ZFHX4: variants seen among roughly 807,000 people sequenced by gnomAD.
ZFHX4 encodes the protein zinc finger homeobox protein 4.
In ZFHX4, 56 loss-of-function variants were observed where a neutral mutation model predicts 267.6. The observed-to-expected ratio is 0.21, with a 90% CI of 0.17 to 0.26. The LOEUF (loss-of-function observed/expected upper bound fraction) is 0.26, where lower values mean the gene tolerates loss of function less well. Ranked by LOEUF, ZFHX4 falls within the 10% of genes least tolerant of loss-of-function variation. The pLI is 1.00. For missense variants in ZFHX4, 4,332 were observed against 4,420.0 expected (o/e 0.98, Z 0.56); for synonymous variants, 1,778 against 1,665.6 (o/e 1.07, Z -1.64).
At chr8:76,771,073 T>C (rs1447461073) in intron 3 of ZFHX4, among the ~76,000 whole-genome samples, 2 of 152,272 alleles carry the variant, frequency 1.3e-5, no homozygotes, top group East Asian at 1.9e-4. Context: ...TTTAGAGTCA[T>C]GTTAAGAATT....
intron 5 of ZFHX4, among the ~76,000 whole-genome samples, chr8:76,836,735 A>G (rs1317148560): frequency 1.3e-5 from 2 of 151,978 alleles, no homozygotes; most frequent in East Asian, 1.9e-4. Flanking sequence ...AAGCAGAAGA[A>G]TGGATTGATT....
intron 4 of ZFHX4, among the ~76,000 whole-genome samples, chr8:76,822,214 A>C (rs571121525): frequency 3.2e-4 from 49 of 152,206 alleles, no homozygotes; most frequent in Admixed American, 9.8e-4. Flanking sequence ...ATAATCATTG[A>C]TTCTTTTCAG....
Position 76,854,520 on chromosome 8 carries a change from G to A in ZFHX4, c.7599G>A (p.Met2533Ile). The change falls in exon 10 of 11, where the codon ATG becomes ATA. Residue 2533 changes from methionine (M) to isoleucine (I), a missense_variant. Physicochemically the swap from Met to Ile is conservative, Grantham distance 10. This residue lies in a region of ZFHX4 where 1,648 missense variants were observed against 1,625.0 expected (regional missense o/e 1.01). Coordinates refer to ENST00000651372, the MANE Select transcript of ZFHX4 (RefSeq NM_024721.5). ...FLHSPFLERP[M>I]DMPYMIFDPN... ...ACTCTCCGTTCTTGGAAAGGCCCAT[G>A]GACATGCCCTACATGATATTTGACC... 2 of 1,613,800 alleles carry A rather than the reference G, an allele frequency of 1.2e-6. No individual in the cohort carries two copies. Among genetic ancestry groups the A allele is most frequent in the Non-Finnish European group, 1.7e-6 (2 of 1,179,868 alleles).
At chr8:76,751,799 T>C (rs928656249) in intron 3 of ZFHX4, among the ~76,000 whole-genome samples, 1 of 152,200 alleles carries the variant, frequency 6.6e-6, no homozygotes, top group African/African-American at 2.4e-5. Flanking sequence ...TTTGCATCTC[T>C]GGGAAACTCT....
Position 76,855,229 on chromosome 8 carries a change from CCTT to C in ZFHX4, c.8315_8317del (p.Ser2772del), listed in dbSNP as rs1307644441. ...GCTGTCACCGAAGAATCTTTTAAGC[CCTT>C]CTTCTTTTAAAGCAGAGTGTTCTGA... On this transcript the variant is annotated inframe_deletion, in exon 10 of 11. Coordinates refer to ENST00000651372, the MANE Select transcript of ZFHX4 (RefSeq NM_024721.5). 3.7e-6 allele frequency: 6 copies of C among 1,612,038 alleles called. No individual in the cohort carries two copies. Among genetic ancestry groups the C allele is most frequent in the Non-Finnish European group, 5.1e-6 (6 of 1,179,302 alleles).
intron 1 of ZFHX4, among the ~76,000 whole-genome samples, chr8:76,698,442 G>T (rs1808014283): frequency 1.3e-5 from 2 of 152,028 alleles, no homozygotes; most frequent in Admixed American, 6.6e-5. Flanking sequence ...TAGAACTATT[G>T]GACTCATTGG....
chr8:76,813,678 G>C (rs1183057479), intron 4 of ZFHX4, among the ~76,000 whole-genome samples: 3 of 151,968 alleles, frequency 2.0e-5, no homozygotes, highest in African/African-American at 7.2e-5. Flanking sequence ...CCCAAAACTA[G>C]CCAGAATACA....
intron 5 of ZFHX4, among the ~76,000 whole-genome samples, chr8:76,837,917 AAT>A (rs1220738346): frequency 6.6e-6 from 1 of 152,194 alleles, no homozygotes; most frequent in Non-Finnish European, 1.5e-5. Flanking sequence ...TAGTACTAGT[AAT>A]AATGCAGCTA....
At chr8:76,767,666 C>T (rs1810086655) in intron 3 of ZFHX4, among the ~76,000 whole-genome samples, 1 of 152,144 alleles carries the variant, frequency 6.6e-6, no homozygotes, top group Non-Finnish European at 1.5e-5. Context: ...ATTAAGCCTT[C>T]AAAGAATTAA....
At position 76,707,699 on chromosome 8, in the gene ZFHX4, A is replaced by G. The variant is rs764308477; in HGVS notation, c.2744A>G (p.Asp915Gly). The change falls in exon 3 of 11, where the codon GAC becomes GGC. Residue 915 changes from aspartate (D) to glycine (G), a missense_variant. By Grantham distance (94) the Asp-to-Gly change is moderately conservative. Transcript: ENST00000651372. Reference protein sequence around the residue: ...QCAVCNKFTSDSLEALSVHVS... With the variant: ...QCAVCNKFTSGSLEALSVHVS... ...GCTGTTTGCAACAAATTCACCTCTG[A>G]CAGCCTGGAGGCCCTAAGTGTGCAT... 5 of 1,613,912 alleles carry G rather than the reference A, an allele frequency of 3.1e-6. No individual in the cohort carries two copies. Among genetic ancestry groups the G allele is most frequent in the Non-Finnish European group, 2.5e-6 (3 of 1,179,882 alleles).
intron 3 of ZFHX4, among the ~76,000 whole-genome samples, chr8:76,760,603 T>G (rs1172147821): frequency 6.6e-6 from 1 of 151,966 alleles, no homozygotes; most frequent in Non-Finnish European, 1.5e-5. Context: ...AGGGAAAGCT[T>G]TTCTGACTCA....
At chr8:76,842,570 A>C (rs2131915847) in intron 5 of ZFHX4, 85 bp from the exon 6 acceptor site, 1 of 906,344 alleles carries the variant, frequency 1.1e-6, no homozygotes, top group East Asian at 2.7e-5. Flanking sequence ...TAAATAACAA[A>C]GTTTTCAAGT....
chr8:76,853,281 T>A lies in ZFHX4; in HGVS notation c.6360T>A (p.Asp2120Glu), dbSNP rs556862072. 1.2e-6 allele frequency: 2 copies of A among 1,605,214 alleles called. No homozygotes were observed. Among genetic ancestry groups the A allele is most frequent in the Non-Finnish European group, 1.7e-6 (2 of 1,175,484 alleles). The change falls in exon 10 of 11, where the codon GAT (aspartate) becomes GAA (glutamate). Residue 2120 changes from aspartate to glutamate, a missense_variant. Coordinates refer to ENST00000651372, the MANE Select transcript of ZFHX4 (RefSeq NM_024721.5). ...TQLCQQQLGL[D>E]PNFLRHSQFK... ...TTTGCCAGCAGCAGCTCGGATTAGA[T>A]CCCAACTTCTTAAGACATTCTCAGT...
At chr8:76,764,482 C>T (rs917082333) in intron 3 of ZFHX4, among the ~76,000 whole-genome samples, 1 of 152,100 alleles carries the variant, frequency 6.6e-6, no homozygotes, top group African/African-American at 2.4e-5. Flanking sequence ...TTGGTACATG[C>T]TTACCAAGGA....
chr8:76,702,963 GACACACAC>G (rs33934020), intron 1 of ZFHX4, among the ~76,000 whole-genome samples: 46 of 147,588 alleles, frequency 3.1e-4, no homozygotes, highest in Non-Finnish European at 6.0e-4. Context: ...TCTCAGGCAA[GACACACAC>G]ACACACACAC....
intron 1 of ZFHX4, among the ~76,000 whole-genome samples, chr8:76,692,804 A>G (rs1472400753): frequency 6.6e-6 from 1 of 152,012 alleles, no homozygotes; most frequent in Admixed American, 6.6e-5. Context: ...TTGGATTATA[A>G]TTTTCCAATT....
chr8:76,818,728 G>A (rs545710342), intron 4 of ZFHX4, among the ~76,000 whole-genome samples: 6 of 152,154 alleles, frequency 3.9e-5, no homozygotes, highest in South Asian at 4.2e-4. Flanking sequence ...GCAAGCCTGG[G>A]CAACACAGGG....
chr8:76,711,382 A>C (rs756340006), intron 3 of ZFHX4, among the ~76,000 whole-genome samples: 10 of 152,178 alleles, frequency 6.6e-5, no homozygotes, highest in Non-Finnish European at 1.2e-4. Flanking sequence ...GATTGCCCAT[A>C]ATCTTTACTT....
chr8:76,714,726 G>C (rs1424265369), intron 3 of ZFHX4, among the ~76,000 whole-genome samples: 1 of 152,198 alleles, frequency 6.6e-6, no homozygotes, highest in African/African-American at 2.4e-5. Flanking sequence ...GAAGTGTCTG[G>C]TATGGTGGCT....
Sources: gnomAD v4.1 joint callset for allele counts (sites outside exome capture counted in the v4.1 genomes callset) on GRCh38, gnomAD v4.1.1 for gene constraint, gnomAD v4.1.1 regional missense constraint, MANE v1.5 for transcripts, NCBI Gene and HGNC (gene_info 2026-07-23, HGNC 2026-07-21) for gene names.